The following PTPRD variants were observed in gnomAD, a reference collection of about 807,000 sequenced individuals.
The protein encoded by PTPRD is receptor-type tyrosine-protein phosphatase delta.
In PTPRD, 34 loss-of-function variants were observed where a neutral mutation model predicts 214.5. The ratio of observed to expected loss-of-function variants is 0.16; its 90% CI spans 0.12 to 0.21. PTPRD has a LOEUF of 0.21. PTPRD is among the 10% of genes least tolerant of loss of function. The pLI is 1.00. For synonymous variants in PTPRD, 1,128 were observed against 845.7 expected, an observed-to-expected ratio of 1.33 and a Z score of -5.79; for missense variants, 2,545 against 2,398.7, an observed-to-expected ratio of 1.06 and a Z score of -1.27.
chr9:8,605,804 T>C (rs749297432), intron 14 of PTPRD, among the ~76,000 whole-genome samples: 7 of 152,262 alleles, frequency 4.6e-5, no homozygotes, highest in Non-Finnish European at 1.0e-4. Context: ...TCTATGGAAG[T>C]TGGCAACATA....
intron 7 of PTPRD, among the ~76,000 whole-genome samples, chr9:9,687,619 G>C (rs1022282193): frequency 6.6e-6 from 1 of 150,386 alleles, no homozygotes. Context: ...AAAACTTAAA[G>C]TATAATAATA....
chr9:9,301,176 A>G (rs910815187), intron 9 of PTPRD, among the ~76,000 whole-genome samples: 5 of 151,996 alleles, frequency 3.3e-5, no homozygotes, highest in East Asian at 3.9e-4. Context: ...CTAATTTTAC[A>G]TATATGATTA....
intron 12 of PTPRD, among the ~76,000 whole-genome samples, chr9:8,651,182 G>A (rs561292490): frequency 2.6e-5 from 4 of 152,258 alleles, no homozygotes; most frequent in South Asian, 2.1e-4. Flanking sequence ...TGAGAAAAGC[G>A]TTCTGCAGAT....
chr9:8,854,411 T>C (rs1490051890), intron 11 of PTPRD, among the ~76,000 whole-genome samples: 2 of 152,348 alleles, frequency 1.3e-5, no homozygotes, highest in Middle Eastern at 3.4e-3. Context: ...TCATATGTGA[T>C]TGTGTTAATG....
rs1324340491 is a variant in PTPRD at position 8,340,357 on chromosome 9, G to A, written c.5239C>T (p.Arg1747Cys). 2.1e-5 allele frequency: 33 copies of A among 1,607,474 alleles called. No individual in the cohort carries two copies. The highest frequency in any genetic ancestry group is 1.1e-4 in the East Asian group (5 of 44,846). ...STIVVMLTKLREMGREKCHQY... is the reference protein window; with the variant it reads ...STIVVMLTKLCEMGREKCHQY... Reference sequence around the variant, plus strand: ...CACACACTTACTCTGCCCATTTCACGCAGCTTGGTGAGCATCACAACTATG... The same window carrying A: ...CACACACTTACTCTGCCCATTTCACACAGCTTGGTGAGCATCACAACTATG... Residue 1747 changes from arginine to cysteine, a missense_variant, in exon 42 of 46, where the codon CGT becomes TGT. Physicochemically the swap from Arg to Cys is radical, Grantham distance 180 (BLOSUM62 -3). Coordinates refer to ENST00000381196, the MANE Select transcript of PTPRD (RefSeq NM_002839.4).
intron 3 of PTPRD, among the ~76,000 whole-genome samples, chr9:10,268,880 A>G (rs1239818422): frequency 6.6e-6 from 1 of 152,134 alleles, no homozygotes; most frequent in Non-Finnish European, 1.5e-5. Context: ...TAGGGCAGGG[A>G]TTTTCAGTCT....
chr9:10,060,544 T>A (rs892832090), intron 3 of PTPRD, among the ~76,000 whole-genome samples: 8 of 151,988 alleles, frequency 5.3e-5, no homozygotes, highest in African/African-American at 1.9e-4. Context: ...CTCATGAACA[T>A]GACAGAAATG....
At chr9:8,532,785 G>A (rs895698208) in intron 14 of PTPRD, among the ~76,000 whole-genome samples, 56 of 152,018 alleles carry the variant, frequency 3.7e-4, no homozygotes, top group Admixed American at 1.2e-3. Flanking sequence ...GAATCATAGA[G>A]TCATACATAT....
intron 11 of PTPRD, among the ~76,000 whole-genome samples, chr9:9,009,498 G>A (rs2099498973): frequency 1.3e-5 from 2 of 151,938 alleles, no homozygotes; most frequent in African/African-American, 4.8e-5. Flanking sequence ...TGCCATAGGG[G>A]TTTTCAGCAG....
At chr9:9,870,486 G>T (rs528686259) in intron 5 of PTPRD, among the ~76,000 whole-genome samples, 1 of 151,872 alleles carries the variant, frequency 6.6e-6, no homozygotes, top group Non-Finnish European at 1.5e-5. Context: ...TGCTCATAAA[G>T]TTGAGATTTT....
At chr9:10,421,171 G>A (rs555427812) in intron 2 of PTPRD, among the ~76,000 whole-genome samples, 1 of 149,528 alleles carries the variant, frequency 6.7e-6, no homozygotes, top group Non-Finnish European at 1.5e-5. Context: ...GGTTGGACAA[G>A]CTTGATCTAC....
chr9:8,359,114 A>C (rs1436311990), intron 39 of PTPRD, among the ~76,000 whole-genome samples: 1 of 14,504 alleles, frequency 6.9e-5, no homozygotes, highest in African/African-American at 1.2e-4. Context: ...TCTCAAAAAA[A>C]AAAAAAAACA....
chr9:8,972,381 T>C (rs1317631756), intron 11 of PTPRD, among the ~76,000 whole-genome samples: 1 of 151,934 alleles, frequency 6.6e-6, no homozygotes, highest in Non-Finnish European at 1.5e-5. Context: ...AAAGGATTTT[T>C]CCCCAAAAGT....
At chr9:8,746,507 A>G (rs1030367858) in intron 11 of PTPRD, among the ~76,000 whole-genome samples, 2 of 152,176 alleles carry the variant, frequency 1.3e-5, no homozygotes, top group Admixed American at 6.5e-5. Flanking sequence ...TTTTTATTGT[A>G]CTTCTATAAA....
chr9:8,974,711 T>TA (rs1340316893), intron 11 of PTPRD, among the ~76,000 whole-genome samples: 2 of 152,014 alleles, frequency 1.3e-5, no homozygotes, highest in African/African-American at 4.8e-5. Flanking sequence ...AGAATCACAT[T>TA]AAAAGAATAA....
Position 8,786,170 on chromosome 9 carries a change from C to T in PTPRD, c.-103-52224G>A, listed in dbSNP as rs1265161251. The stretch of plus-strand genomic sequence containing the variant: ...GATTCAGCATTACTATGGAAAATGG[C>T]CATGGAACCATTCATAAATTAACGA... On this transcript the variant is annotated intron_variant, in intron 11 of 45. Transcript: ENST00000381196. Among the ~76,000 whole-genome samples the T allele has an allele frequency of 2.6e-5, 4 of 151,968 alleles. No homozygotes were observed. The East Asian group carries it at 7.8e-4, about 29-fold the overall frequency.
At chr9:8,564,470 C>T (rs903784916) in intron 14 of PTPRD, among the ~76,000 whole-genome samples, 1 of 151,988 alleles carries the variant, frequency 6.6e-6, no homozygotes, top group African/African-American at 2.4e-5. Context: ...AAGCTGGAGG[C>T]GGGCGGATCA....
At chr9:10,135,314 A>G (rs1406046531) in intron 3 of PTPRD, among the ~76,000 whole-genome samples, 1 of 152,170 alleles carries the variant, frequency 6.6e-6, no homozygotes, top group Non-Finnish European at 1.5e-5. Context: ...TTGAGGATAC[A>G]GTCCATACAA....
At chr9:10,098,043 C>G (rs186991869) in intron 3 of PTPRD, among the ~76,000 whole-genome samples, 3 of 151,814 alleles carry the variant, frequency 2.0e-5, no homozygotes, top group Non-Finnish European at 2.9e-5. Flanking sequence ...CACATGCACA[C>G]GTATGTTTAT....
Sources: allele counts gnomAD v4.1 joint callset (sites outside exome capture counted in the v4.1 genomes callset), GRCh38; gene constraint gnomAD v4.1.1; transcripts MANE v1.5; gene names NCBI Gene and HGNC (gene_info 2026-07-23, HGNC 2026-07-21).